ARHGEF38: variants seen among roughly 807,000 people sequenced by gnomAD.
ARHGEF38 encodes the protein Rho guanine nucleotide exchange factor 38.
Under a neutral mutation model 79.9 loss-of-function variants are expected in ARHGEF38, and 79 were observed. The observed-to-expected ratio is 0.99, with a 90% confidence interval of 0.82 to 1.19. The LOEUF is 1.19. Among genes scored for constraint, ARHGEF38 ranks in the 50% most tolerant of loss-of-function variants. The pLI is 0.00. For missense variants in ARHGEF38, 962 were observed against 907.2 expected (o/e 1.06, Z -0.78); for synonymous variants, 366 against 328.3 (o/e 1.11, Z -1.24).
chr4:105,612,228 G>GA (rs1728326147), intron 2 of ARHGEF38, among the ~76,000 whole-genome samples: 1 of 152,124 alleles, frequency 6.6e-6, no homozygotes, highest in Non-Finnish European at 1.5e-5. Flanking sequence ...TGAAATAATG[G>GA]AAAAAAGCTG....
At chr4:105,561,672 C>T (rs955156244) in intron 1 of ARHGEF38, 6 of 152,014 alleles carry the variant, frequency 3.9e-5, no homozygotes, top group African/African-American at 1.4e-4. Flanking sequence ...TTCCTCTACC[C>T]TCTTAAATTC....
chr4:105,578,740 T>G (rs977464145), intron 1 of ARHGEF38, among the ~76,000 whole-genome samples: 1 of 152,224 alleles, frequency 6.6e-6, no homozygotes, highest in African/African-American at 2.4e-5. Flanking sequence ...CGCTTTGGTT[T>G]CCATTTGCAT....
intron 10 of ARHGEF38, among the ~76,000 whole-genome samples, chr4:105,663,999 C>CA (rs1299466506): frequency 1.1e-3 from 163 of 147,744 alleles, no homozygotes; most frequent in Admixed American, 2.2e-3. Context: ...CAAAACAAAA[C>CA]AAAAAAAAAC....
chr4:105,581,190 GTCCCC>G (rs1363913772), intron 1 of ARHGEF38, among the ~76,000 whole-genome samples: 3 of 87,192 alleles, frequency 3.4e-5, no homozygotes, highest in Non-Finnish European at 6.0e-5. Context: ...GCTTCCTTCT[GTCCCC>G]TCTCAATGCC....
At chr4:105,563,677 T>C (rs1725747580) in intron 1 of ARHGEF38, among the ~76,000 whole-genome samples, 1 of 144,836 alleles carries the variant, frequency 6.9e-6, no homozygotes, top group Non-Finnish European at 1.5e-5. Context: ...TAGTTTTTAG[T>C]AGTAGTACCT....
chr4:105,652,017 G>A (rs558049245), intron 7 of ARHGEF38, among the ~76,000 whole-genome samples: 1 of 152,188 alleles, frequency 6.6e-6, no homozygotes, highest in Non-Finnish European at 1.5e-5. Context: ...TGAAAACAAG[G>A]CTTCATCCAC....
intron 5 of ARHGEF38, among the ~76,000 whole-genome samples, chr4:105,641,566 T>A (rs73837085): frequency 0.014 from 2,194 of 152,192 alleles, 44 homozygotes; most frequent in African/African-American, 0.049. Flanking sequence ...CATAAATGCT[T>A]GTGGCTACTG....
At chr4:105,643,256 T>C (rs576556524) in intron 5 of ARHGEF38, among the ~76,000 whole-genome samples, 2 of 152,146 alleles carry the variant, frequency 1.3e-5, no homozygotes, top group South Asian at 4.1e-4. Flanking sequence ...CCTCCCTCTT[T>C]CCGAGTCTCT....
intron 2 of ARHGEF38, among the ~76,000 whole-genome samples, chr4:105,600,394 T>C (rs1727770970): frequency 6.6e-6 from 1 of 152,176 alleles, no homozygotes; most frequent in Admixed American, 6.5e-5. Flanking sequence ...ACAAAAACAG[T>C]GCCTTCTGTC....
intron 13 of ARHGEF38, 61 bp downstream of exon 13, chr4:105,667,764 T>C: frequency 6.7e-7 from 1 of 1,501,922 alleles, no homozygotes; most frequent in Non-Finnish European, 8.9e-7. Context: ...CTCTCTACTG[T>C]ACTCTATAAT....
chr4:105,606,277 G>T (rs1412927426), intron 2 of ARHGEF38, among the ~76,000 whole-genome samples: 3 of 152,030 alleles, frequency 2.0e-5, no homozygotes, highest in Non-Finnish European at 4.4e-5. Flanking sequence ...ATTTCCAGAG[G>T]ATGATTTGGT....
At chr4:105,654,214 A>G (rs1730230712) in intron 8 of ARHGEF38, 45 bp downstream of exon 8, 1 of 1,114,604 alleles carries the variant, frequency 9.0e-7, no homozygotes, top group Non-Finnish European at 1.2e-6. Context: ...GGAACATCTG[A>G]TACAAACCAT....
intron 2 of ARHGEF38, among the ~76,000 whole-genome samples, chr4:105,595,295 T>C (rs1036027194): frequency 1.3e-5 from 2 of 152,232 alleles, no homozygotes; most frequent in African/African-American, 4.8e-5. Context: ...TATGTGTATT[T>C]ATTTTGAATT....
intron 1 of ARHGEF38, among the ~76,000 whole-genome samples, chr4:105,574,202 C>T (rs1726372442): frequency 1.3e-5 from 2 of 152,002 alleles, no homozygotes; most frequent in Admixed American, 1.3e-4. Flanking sequence ...ATGCCTTTAT[C>T]TCTTTTTCTT....
intron 5 of ARHGEF38, among the ~76,000 whole-genome samples, chr4:105,641,954 A>T (rs987489827): frequency 6.6e-6 from 1 of 152,170 alleles, no homozygotes; most frequent in Admixed American, 6.5e-5. Context: ...GATAAGACAG[A>T]GGAAGATGAA....
chr4:105,589,734 A>G (rs766899695), intron 2 of ARHGEF38, among the ~76,000 whole-genome samples: 1 of 152,122 alleles, frequency 6.6e-6, no homozygotes, highest in Non-Finnish European at 1.5e-5. Flanking sequence ...GGGAAAAGGA[A>G]TGAAATAAGG....
chr4:105,639,488 C>A (rs1009692133), intron 5 of ARHGEF38, among the ~76,000 whole-genome samples: 14 of 151,870 alleles, frequency 9.2e-5, no homozygotes, highest in African/African-American at 3.4e-4. Flanking sequence ...CCTATGATTT[C>A]TTCAAATTCT....
intron 1 of ARHGEF38, among the ~76,000 whole-genome samples, chr4:105,571,380 T>C (rs1018458626): frequency 4.1e-5 from 6 of 144,654 alleles, no homozygotes; most frequent in Admixed American, 3.6e-4. Context: ...TGGAGTGCAA[T>C]GGCGCAATCT....
chr4:105,567,011 TG>T (rs1175811117), intron 1 of ARHGEF38, among the ~76,000 whole-genome samples: 3 of 152,304 alleles, frequency 2.0e-5, no homozygotes, highest in African/African-American at 7.2e-5. Context: ...CCTTGGCCTC[TG>T]AAAGTGCTGA....
Sources: allele counts gnomAD v4.1 joint callset (sites outside exome capture counted in the v4.1 genomes callset), GRCh38; gene constraint gnomAD v4.1.1; transcripts MANE v1.5; gene names NCBI Gene and HGNC (gene_info 2026-07-23, HGNC 2026-07-21).